PCDHGA6: variants seen among roughly 807,000 people sequenced by gnomAD.
PCDHGA6 encodes protocadherin gamma subfamily A, 6.
PCDHGA6 carries 41 observed loss-of-function variants against 60.6 expected under a neutral mutation model. The observed-to-expected ratio is 0.68, with a 90% confidence interval of 0.53 to 0.88. The LOEUF is 0.88. PCDHGA6 is among the 40% of genes least tolerant of loss of function. PCDHGA6 has a pLI of 0.00. For missense variants in PCDHGA6, 1,312 were observed against 1,203.0 expected, an observed-to-expected ratio of 1.09 and a Z score of -1.34; for synonymous variants, 594 against 524.4, an observed-to-expected ratio of 1.13 and a Z score of -1.81.
At chr5:141,475,512 C>A (rs2099364350) in intron 1 of PCDHGA6, among the ~76,000 whole-genome samples, 2 of 152,326 alleles carry the variant, frequency 1.3e-5, no homozygotes, top group South Asian at 4.1e-4. Context: ...AATGTCTCCA[C>A]GGAAATGCTA....
At chr5:141,495,278 C>A (rs2099760057) in intron 2 of PCDHGA6, among the ~76,000 whole-genome samples, 1 of 152,174 alleles carries the variant, frequency 6.6e-6, no homozygotes, top group Non-Finnish European at 1.5e-5. Context: ...CCGGAGGAGG[C>A]GGTCCGCACT....
chr5:141,422,569 G>C, intron 1 of PCDHGA6: 2 of 1,613,984 alleles, frequency 1.2e-6, no homozygotes, highest in Non-Finnish European at 1.7e-6. Flanking sequence ...AGATGACAAC[G>C]ATAACCCTCC....
chr5:141,419,085 C>T (rs759272094), intron 1 of PCDHGA6: 1 of 1,613,936 alleles, frequency 6.2e-7, no homozygotes, highest in Non-Finnish European at 8.5e-7. Flanking sequence ...ACAGATGAGG[C>T]CCTGGATCGG....
Position 141,487,858 on chromosome 5 carries a change from G to C in PCDHGA6, c.2425-6949G>C, listed in dbSNP as rs575288726. Reference sequence around the variant, plus strand: ...ATCTGAGTAAGAAATGAAAGTAATTGGTGATCAAGAGCCAGGCTGTTGTGG... The same window carrying C: ...ATCTGAGTAAGAAATGAAAGTAATTCGTGATCAAGAGCCAGGCTGTTGTGG... On this transcript the variant is annotated intron_variant, in intron 1 of 3. Transcript: ENST00000517434. The surrounding 1 kb of genome is among the most constrained non-coding windows in gnomAD (Gnocchi z 5.0). The C allele has an allele frequency of 3.8e-5, 36 of 953,250 alleles. No individual in the cohort carries two copies. The Middle Eastern group carries it at 1.3e-3, about 35-fold the overall frequency. 59.0% of individuals were successfully genotyped at this position (953,250 alleles called of 1,614,324 possible). A position where few individuals can be genotyped will look rare whatever the true frequency, so the allele number is the denominator to read the frequency against.
At chr5:141,479,866 A>G (rs1020197891) in intron 1 of PCDHGA6, among the ~76,000 whole-genome samples, 2 of 152,204 alleles carry the variant, frequency 1.3e-5, no homozygotes, top group African/African-American at 2.4e-5. Context: ...TTTGCCCTGG[A>G]GAGAACCCTA....
chr5:141,490,346 T>A lies in PCDHGA6; in HGVS notation c.2425-4461T>A. On this transcript the variant is annotated intron_variant, in intron 1 of 3. Coordinates refer to ENST00000517434, the MANE Select transcript of PCDHGA6 (RefSeq NM_018919.3). This position sits in a 1 kb window ranked among gnomAD's most constrained non-coding sequence, Gnocchi z 5.4. ...GAGAGCACACCAGTGGGCACAGTAG[T>A]GGGGTTGTTTAATGTGCGAGACCGG... The A allele has an allele frequency of 6.2e-7, 1 of 1,614,164 alleles. No individual in the cohort carries two copies. The highest frequency in any genetic ancestry group is 8.5e-7 in the Non-Finnish European group (1 of 1,180,020).
At chr5:141,410,191 C>T in intron 1 of PCDHGA6, 1 of 1,613,994 alleles carries the variant, frequency 6.2e-7, no homozygotes, top group Non-Finnish European at 8.5e-7. Context: ...TTCATCTGGT[C>T]TTCGCAGACA....
rs754835805 is a variant in PCDHGA6 at position 141,415,008 on chromosome 5, T to C, written c.2424+38501T>C. ...GCCAGAACGCCTGGCTGTCCTACCGTCTGCTCAAGGCCAGCGAGCCGGGAC... is the reference window on the plus strand; with the variant it reads ...GCCAGAACGCCTGGCTGTCCTACCGCCTGCTCAAGGCCAGCGAGCCGGGAC... On this transcript the variant is annotated intron_variant, in intron 1 of 3. Transcript: ENST00000517434. 3.1e-6 allele frequency: 5 copies of C among 1,613,636 alleles called. No individual in the cohort carries two copies. The South Asian group carries it at 3.3e-5, about 11-fold the overall frequency.
chr5:141,419,075 A>G, intron 1 of PCDHGA6: 1 of 1,613,968 alleles, frequency 6.2e-7, no homozygotes, highest in Non-Finnish European at 8.5e-7. Context: ...CAAGCTAGTA[A>G]CAGATGAGGC....
At position 141,419,393 on chromosome 5, in the gene PCDHGA6, G is replaced by C; in HGVS notation, c.2424+42886G>C. On this transcript the variant is annotated intron_variant, in intron 1 of 3. Transcript: ENST00000517434. ...CTACGTGTCCGTGAGCGCGCAGAGC[G>C]GGGTGGTGTTCGCGCAGCGCGCCTT... 1.2e-6 allele frequency: 2 copies of C among 1,613,620 alleles called. No homozygotes were observed. The highest frequency in any genetic ancestry group is 1.7e-6 in the Non-Finnish European group (2 of 1,179,912).
At chr5:141,466,983 C>A (rs2099133398) in intron 1 of PCDHGA6, among the ~76,000 whole-genome samples, 1 of 151,884 alleles carries the variant, frequency 6.6e-6, no homozygotes, top group African/African-American at 2.4e-5. Context: ...TCATCATTTA[C>A]CTTTTGGCAT....
Position 141,406,737 on chromosome 5 carries a change from T to C in PCDHGA6, c.2424+30230T>C, listed in dbSNP as rs540886306. 1.1e-4 allele frequency among the ~76,000 whole-genome samples: 16 copies of C among 152,348 alleles called. No homozygotes were observed. The South Asian group carries it at 3.3e-3, about 32-fold the overall frequency. ...AAGAGAAGTTTCTAAGACTGGACAC[T>C]GTGAAATGACAAAACAAGGAATTAA... On this transcript the variant is annotated intron_variant, in intron 1 of 3. Coordinates refer to ENST00000517434, the MANE Select transcript of PCDHGA6 (RefSeq NM_018919.3).
chr5:141,400,561 A>G, intron 1 of PCDHGA6: 1 of 1,612,992 alleles, frequency 6.2e-7, no homozygotes, highest in Non-Finnish European at 8.5e-7. Flanking sequence ...TTCATTACCC[A>G]CCCAATTTTC....
intron 1 of PCDHGA6, chr5:141,419,506 C>A (rs527369615): frequency 6.2e-6 from 10 of 1,612,352 alleles, no homozygotes; most frequent in Middle Eastern, 1.7e-4. Context: ...TGAGCCTGCG[C>A]GTGTTGGTGG....
Position 141,374,511 on chromosome 5 carries a change from T to C in PCDHGA6, c.428T>C (p.Leu143Pro), listed in dbSNP as rs1235970803. Residue 143 changes from leucine (L) to proline (P), a missense_variant, in exon 1 of 4, where the codon CTC becomes CCC. By Grantham distance (98) the Leu-to-Pro change is moderately conservative (BLOSUM62 -3). Coordinates refer to ENST00000517434, the MANE Select transcript of PCDHGA6 (RefSeq NM_018919.3). ...AAGGAAGAATTGGAAGTGAAAATTC[T>C]CGAAAACGCAGCTCCATCCTCTCGT... ...FLKEELEVKILENAAPSSRFP... is the reference protein window; with the variant it reads ...FLKEELEVKIPENAAPSSRFP... 2.8e-5 allele frequency: 45 copies of C among 1,611,794 alleles called. No homozygotes were observed. The highest frequency in any genetic ancestry group is 3.7e-5 in the Non-Finnish European group (44 of 1,178,152).
At chr5:141,447,861 G>A (rs2098553733) in intron 1 of PCDHGA6, among the ~76,000 whole-genome samples, 1 of 152,120 alleles carries the variant, frequency 6.6e-6, no homozygotes, top group Non-Finnish European at 1.5e-5. Flanking sequence ...CGAGGTGGGT[G>A]AATCATCTGA....
At chr5:141,410,058 T>C in intron 1 of PCDHGA6, 1 of 1,613,016 alleles carries the variant, frequency 6.2e-7, no homozygotes, top group Non-Finnish European at 8.5e-7. Context: ...CTCTTCAGCC[T>C]GGGGCTGCGC....
rs11952292 is a variant in PCDHGA6 at position 141,491,682 on chromosome 5, G to T, written c.2425-3125G>T. The T allele has an allele frequency of 0.072, 115,891 of 1,613,112 alleles. 4,572 individuals carry two copies. The highest frequency in any genetic ancestry group is 0.11 in the South Asian group (9,996 of 91,042). ...ACGCCATCCGGTCCCGCTCTAATAC[G>T]CTGCGGGAGCGGAGCCAGGTGAGGG... On this transcript the variant is annotated intron_variant, in intron 1 of 3. Coordinates refer to ENST00000517434, the MANE Select transcript of PCDHGA6 (RefSeq NM_018919.3). The surrounding 1 kb of genome is among the most constrained non-coding windows in gnomAD (Gnocchi z 6.9).
In PCDHGA6 at chr5:141,413,469, G is replaced by A. The variant is rs766765319; in HGVS notation, c.2424+36962G>A. 5 of 1,614,012 alleles carry A rather than the reference G, an allele frequency of 3.1e-6. No individual in the cohort carries two copies. The African/African-American group carries it at 5.3e-5, about 17-fold the overall frequency. On this transcript the variant is annotated intron_variant, in intron 1 of 3. Transcript: ENST00000517434. ...CCGCGGGCAGGATAGACCGGGAGGA[G>A]CTCTGCGCTCAGAGCGCGCGGTGCG...
Sources: allele counts gnomAD v4.1 joint callset (sites outside exome capture counted in the v4.1 genomes callset), GRCh38; gene constraint gnomAD v4.1.1; non-coding constraint Gnocchi (gnomAD v3.1); transcripts MANE v1.5; gene names NCBI Gene and HGNC (gene_info 2026-07-23, HGNC 2026-07-21).